The following SUCLA2 variants were observed in gnomAD, a reference collection of about 807,000 sequenced individuals.
The protein encoded by SUCLA2 is succinate-CoA ligase ADP-forming subunit beta, also known as succinate--CoA ligase [ADP-forming] subunit beta, mitochondrial.
Under a neutral mutation model 54.8 loss-of-function variants are expected in SUCLA2, and 30 were observed. The observed-to-expected ratio is 0.55, with a 90% CI of 0.41 to 0.74. The LOEUF (loss-of-function observed/expected upper bound fraction) is 0.74. SUCLA2 is among the 30% of genes least tolerant of loss of function. The probability of loss-of-function intolerance (pLI) is 0.00; values close to 1 mark genes in which losing one functional copy is unlikely to be tolerated. For synonymous variants in SUCLA2, 172 were observed against 188.9 expected (o/e 0.91, Z 0.74); for missense variants, 476 against 562.9 (o/e 0.85, Z 1.56).
chr13:47,986,761 A>C (rs980209219), intron 4 of SUCLA2, among the ~76,000 whole-genome samples: 1 of 152,028 alleles, frequency 6.6e-6, no homozygotes, highest in South Asian at 2.1e-4. Flanking sequence ...AATTTTCTGC[A>C]TGGCTAGCCT....
intron 6 of SUCLA2, among the ~76,000 whole-genome samples, chr13:47,967,384 AAAGT>A (rs1949927471): frequency 6.6e-6 from 1 of 152,214 alleles, no homozygotes; most frequent in African/African-American, 2.4e-5. Context: ...AAGTAAAGCT[AAAGT>A]AAAATATTAA....
chr13:47,967,559 G>A lies in SUCLA2; in HGVS notation c.802+1036C>T, dbSNP rs985572426. Among the ~76,000 whole-genome samples the A allele has an allele frequency of 5.9e-5, 9 of 152,236 alleles. No individual in the cohort carries two copies. The East Asian group carries it at 1.2e-3, about 20-fold the overall frequency. On this transcript the variant is annotated intron_variant, in intron 6 of 10. Coordinates refer to ENST00000646932, the MANE Select transcript of SUCLA2 (RefSeq NM_003850.3). The stretch of plus-strand genomic sequence containing the variant: ...TCTCAGCATAAAAGTAATGGAACTC[G>A]GCTGGGCGCAGTGACTCACGCCTGT...
At position 47,949,432 on chromosome 13, in the gene SUCLA2, T is replaced by C. The variant is rs17425881; in HGVS notation, c.1228+51A>G. ...TTTAACAAACTGAACTCCATGGAAA[T>C]GTGAACTTTTAAAGAATTAGGAACA... On this transcript the variant is annotated intron_variant, in intron 9 of 10. Transcript: ENST00000646932. The C allele has an allele frequency of 0.17, 277,196 of 1,603,080 alleles. 25,093 individuals carry two copies. Among genetic ancestry groups the C allele is most frequent in the African/African-American group, 0.23 (17,169 of 74,664 alleles).
chr13:47,996,737 A>AT (rs902142091), intron 2 of SUCLA2, 106 bp downstream of exon 2: 136 of 1,017,490 alleles, frequency 1.3e-4, no homozygotes, highest in South Asian at 3.7e-4. Flanking sequence ...AAGAAAATGT[A>AT]TTTTTTTTAA....
At chr13:47,993,810 T>C (rs1051398031) in intron 2 of SUCLA2, among the ~76,000 whole-genome samples, 1 of 152,026 alleles carries the variant, frequency 6.6e-6, no homozygotes, top group East Asian at 1.9e-4. Context: ...GTGAGGCAGG[T>C]GGATCACCTG....
intron 6 of SUCLA2, among the ~76,000 whole-genome samples, chr13:47,955,899 A>C (rs965151912): frequency 7.2e-5 from 11 of 152,198 alleles, no homozygotes; most frequent in African/African-American, 2.4e-4. Flanking sequence ...CTGCTGCCCA[A>C]CACAGGAGAA....
At chr13:47,988,141 G>T in intron 4 of SUCLA2, 2 of 193,310 alleles carry the variant, frequency 1.0e-5, no homozygotes. Flanking sequence ...CCAAGAAGTT[G>T]AGAAAACAGA....
At chr13:47,948,815 T>C in intron 10 of SUCLA2, 125 bp downstream of exon 10, 2 of 935,684 alleles carry the variant, frequency 2.1e-6, no homozygotes. Flanking sequence ...AATAATCGTT[T>C]TCTTTAACCA....
rs960138148 is a variant in SUCLA2, at chr13:47,943,392, C to T, written c.1371G>A (p.Val457=). Residue 457 remains valine (V), a synonymous_variant, in exon 11 of 11, where the codon GTG becomes GTA. Coordinates refer to ENST00000646932, the MANE Select transcript of SUCLA2 (RefSeq NM_003850.3). ...VTLAKQAHVD[V]KFQLPI is the part of the protein sequence containing the mutation. ...CAGATCATATTGGCAACTGAAATTT[C>T]ACATCCACATGTGCTTGCTTCGCTA... The T allele has an allele frequency of 6.2e-7, 1 of 1,613,774 alleles. No homozygotes were observed. Among genetic ancestry groups the T allele is most frequent in the Non-Finnish European group, 8.5e-7 (1 of 1,179,874 alleles).
chr13:47,973,227 A>C, intron 5 of SUCLA2, 37 bp downstream of exon 5: 1 of 1,578,306 alleles, frequency 6.3e-7, no homozygotes, highest in South Asian at 1.1e-5. Context: ...ATAATTCTCT[A>C]ATCATAAGCT....
chr13:47,965,331 G>A (rs140380849), intron 6 of SUCLA2, among the ~76,000 whole-genome samples: 1,534 of 151,554 alleles, frequency 0.01, 19 homozygotes, highest in Non-Finnish European at 0.017. Context: ...TTCTGGAAAC[G>A]ATCTTAAACA....
chr13:47,995,182 A>G (rs1189119206), intron 2 of SUCLA2, among the ~76,000 whole-genome samples: 1 of 152,184 alleles, frequency 6.6e-6, no homozygotes, highest in Non-Finnish European at 1.5e-5. Flanking sequence ...TAGTGACCCT[A>G]TCTCTAAAAA....
chr13:47,996,360 C>T (rs952837459), intron 2 of SUCLA2, among the ~76,000 whole-genome samples: 1 of 151,238 alleles, frequency 6.6e-6, no homozygotes, highest in Non-Finnish European at 1.5e-5. Context: ...AGAAACTCTG[C>T]TCTCAAGGAG....
At position 47,957,941 on chromosome 13, in the gene SUCLA2, TTG is replaced by T. The variant is rs143473791; in HGVS notation, c.803-3386_803-3385del. Among the ~76,000 whole-genome samples, 508 of 152,288 alleles carry T rather than the reference TTG, an allele frequency of 3.3e-3. 6 individuals carry two copies. Among genetic ancestry groups the T allele is most frequent in the Admixed American group, 7.1e-3 (108 of 15,294 alleles). ...TAGCAGCTGGATTGTGTTTGGGTGA[TTG>T]TGTTTCATATAGTCATGAGAAATTA... On this transcript the variant is annotated intron_variant, in intron 6 of 10. Transcript: ENST00000646932.
chr13:47,983,613 C>G (rs568856253), intron 4 of SUCLA2, among the ~76,000 whole-genome samples: 1 of 151,904 alleles, frequency 6.6e-6, no homozygotes, highest in African/African-American at 2.4e-5. Context: ...CCTCAGCCTC[C>G]GGAGTAGCTG....
intron 4 of SUCLA2, among the ~76,000 whole-genome samples, chr13:47,977,453 C>T (rs1283926229): frequency 9.9e-5 from 15 of 151,764 alleles, no homozygotes; most frequent in African/African-American, 4.8e-5. Flanking sequence ...TACCATGATA[C>T]CAAAATCAGA....
intron 4 of SUCLA2, among the ~76,000 whole-genome samples, chr13:47,986,408 ATTTGT>A (rs1950105334): frequency 6.6e-6 from 1 of 152,024 alleles, no homozygotes; most frequent in Admixed American, 6.6e-5. Flanking sequence ...TTTCTTGAAA[ATTTGT>A]TTTAAGTTTC....
intron 10 of SUCLA2, among the ~76,000 whole-genome samples, chr13:47,943,835 C>T (rs1949708174): frequency 6.7e-6 from 1 of 150,022 alleles, no homozygotes; most frequent in African/African-American, 2.4e-5. Flanking sequence ...GTTGGATACT[C>T]CACAACTCAA....
intron 2 of SUCLA2, among the ~76,000 whole-genome samples, chr13:47,994,014 C>T (rs1367237945): frequency 2.1e-4 from 32 of 149,420 alleles, no homozygotes; most frequent in Admixed American, 1.4e-3. Context: ...GCTGAGATGG[C>T]GCCATTGCAC....
Sources: gnomAD v4.1 joint callset for allele counts (sites outside exome capture counted in the v4.1 genomes callset) on GRCh38, gnomAD v4.1.1 for gene constraint, MANE v1.5 for transcripts, NCBI Gene and HGNC (gene_info 2026-07-23, HGNC 2026-07-21) for gene names.